USP49: variants seen among roughly 807,000 people sequenced by gnomAD.
USP49 encodes the protein ubiquitin specific peptidase 49, also known as ubiquitin carboxyl-terminal hydrolase 49.
In USP49, 24 loss-of-function variants were observed where a neutral mutation model predicts 58.6. The ratio of observed to expected loss-of-function variants is 0.41; its 90% confidence interval spans 0.30 to 0.58. USP49 has a LOEUF of 0.58. Among genes scored for constraint, USP49 ranks in the 20% least tolerant of loss-of-function variants. The pLI is 0.30. For missense variants in USP49, 703 were observed against 866.1 expected (o/e 0.81, Z 2.36); for synonymous variants, 408 against 365.1 (o/e 1.12, Z -1.34).
chr6:41,872,574 C>CATAT (rs1361120178), intron 2 of USP49, among the ~76,000 whole-genome samples: 1 of 151,108 alleles, frequency 6.6e-6, no homozygotes, highest in Non-Finnish European at 1.5e-5. Context: ...AATTGGAGTA[C>CATAT]ATATATATAT....
intron 3 of USP49, among the ~76,000 whole-genome samples, chr6:41,821,975 A>C (rs530223855): frequency 7.2e-5 from 11 of 152,366 alleles, no homozygotes; most frequent in African/African-American, 2.6e-4. Flanking sequence ...GATCCAGCAC[A>C]GTATTCACAA....
chr6:41,852,033 A>G (rs1050711006), intron 3 of USP49, among the ~76,000 whole-genome samples: 5 of 149,400 alleles, frequency 3.3e-5, no homozygotes, highest in African/African-American at 1.2e-4. Context: ...TATATAGAAA[A>G]TCCTGGGCCG....
chr6:41,797,823 T>C, intron 7 of USP49: 1 of 985,194 alleles, frequency 1.0e-6, no homozygotes, highest in Non-Finnish European at 1.2e-6. Context: ...TACTACAATA[T>C]CCTCTAACAC....
At chr6:41,807,762 ATTTTTTG>A (rs1353631996) in intron 3 of USP49, among the ~76,000 whole-genome samples, 1 of 149,266 alleles carries the variant, frequency 6.7e-6, no homozygotes, top group Admixed American at 6.7e-5. Flanking sequence ...TTTTTAATTT[ATTTTTTG>A]TTTTTTATGT....
chr6:41,884,681 A>G (rs561705017), intron 2 of USP49, among the ~76,000 whole-genome samples: 23 of 152,316 alleles, frequency 1.5e-4, no homozygotes, highest in African/African-American at 4.8e-4. Context: ...GCATACATTA[A>G]TTTATTCCAT....
rs2127364588 is a variant in USP49, at chr6:41,884,439, G to A, written c.-103+7355C>T. ...AAATTCTACAACAGTGTGGTATAAT[G>A]AGCAATTTTTTAATTAAAAATACAT... On this transcript the variant is annotated intron_variant, in intron 2 of 7. Coordinates refer to ENST00000682992, the MANE Select transcript of USP49 (RefSeq NM_001286554.2). Among the ~76,000 whole-genome samples, 3 of 152,292 alleles carry A rather than the reference G, an allele frequency of 2.0e-5. No homozygotes were observed. In the Middle Eastern group the frequency reaches 0.01, roughly 518 times the overall value.
At chr6:41,812,228 C>T (rs529975847) in intron 3 of USP49, among the ~76,000 whole-genome samples, 13 of 151,858 alleles carry the variant, frequency 8.6e-5, no homozygotes, top group African/African-American at 2.4e-4. Flanking sequence ...TATAGGCATG[C>T]GCCACCACGC....
Position 41,803,359 on chromosome 6 carries a change from A to C in USP49, c.1561+447T>G, listed in dbSNP as rs1773053213. ...TGCTCTGTTGCCCAGGCTGGAGTGC[A>C]ATGGCGCAATCTTGGCTCACTGCAC... On this transcript the variant is annotated intron_variant, in intron 5 of 7. Coordinates refer to ENST00000682992, the MANE Select transcript of USP49 (RefSeq NM_001286554.2). The surrounding 1 kb of genome is among the most constrained non-coding windows in gnomAD (Gnocchi z 4.1). Among the ~76,000 whole-genome samples, 1 of 152,210 alleles carries C rather than the reference A, an allele frequency of 6.6e-6. No homozygotes were observed. Among genetic ancestry groups the C allele is most frequent in the Non-Finnish European group, 1.5e-5 (1 of 68,040 alleles).
intron 3 of USP49, among the ~76,000 whole-genome samples, chr6:41,844,124 A>T (rs146127078): frequency 1.4e-3 from 219 of 151,634 alleles, no homozygotes; most frequent in African/African-American, 5.2e-3. Context: ...AGGAGACTGA[A>T]GCACAAGAAC....
intron 3 of USP49, among the ~76,000 whole-genome samples, chr6:41,837,153 G>A (rs146955178): frequency 5.9e-5 from 9 of 152,062 alleles, no homozygotes; most frequent in East Asian, 1.9e-4. Flanking sequence ...AATAGCCAAC[G>A]CAATCATAAG....
chr6:41,844,032 G>A (rs541780384), intron 3 of USP49, among the ~76,000 whole-genome samples: 13 of 151,060 alleles, frequency 8.6e-5, no homozygotes, highest in South Asian at 8.4e-4. Context: ...CAACAAGAGC[G>A]AAAATCCATC....
At chr6:41,841,685 T>C (rs1350919103) in intron 3 of USP49, among the ~76,000 whole-genome samples, 3 of 152,198 alleles carry the variant, frequency 2.0e-5, no homozygotes, top group African/African-American at 7.2e-5. Context: ...CCCATCCTAT[T>C]TTTATTTGCA....
Position 41,791,887 on chromosome 6 carries a change from G to C in USP49, c.*4646C>G, listed in dbSNP as rs1772803982. ...TGACTTAAAAAGTCTGAACCACCAG[G>C]AAGATGCGTACTTAACTGGTTAAAA... is the stretch of plus-strand genomic sequence containing the variant. On this transcript the variant is annotated 3_prime_UTR_variant, in exon 8 of 8. Coordinates refer to ENST00000682992, the MANE Select transcript of USP49 (RefSeq NM_001286554.2). 1 of 152,188 alleles carries C rather than the reference G, an allele frequency of 6.6e-6. No individual in the cohort carries two copies. 9.4% of individuals were successfully genotyped at this position (152,188 alleles called of 1,614,324 possible).
At chr6:41,830,188 T>A (rs1019510739) in intron 3 of USP49, among the ~76,000 whole-genome samples, 3 of 152,220 alleles carry the variant, frequency 2.0e-5, no homozygotes, top group African/African-American at 7.2e-5. Flanking sequence ...CCTCAAAACC[T>A]GAGATAGCAG....
At chr6:41,871,193 A>T (rs1774407125) in intron 3 of USP49, among the ~76,000 whole-genome samples, 1 of 152,150 alleles carries the variant, frequency 6.6e-6, no homozygotes, top group African/African-American at 2.4e-5. Context: ...TGGGACAAAC[A>T]TCATAGCAAC....
At chr6:41,826,827 G>A (rs1773546818) in intron 3 of USP49, among the ~76,000 whole-genome samples, 1 of 152,172 alleles carries the variant, frequency 6.6e-6, no homozygotes, top group South Asian at 2.1e-4. Flanking sequence ...GGACTGTGGA[G>A]GACTGCCTGA....
intron 3 of USP49, among the ~76,000 whole-genome samples, chr6:41,834,018 T>G (rs564708343): frequency 1.6e-4 from 24 of 152,338 alleles, no homozygotes; most frequent in Non-Finnish European, 7.4e-5. Context: ...AGCTTTCACC[T>G]GTACACATAT....
intron 2 of USP49, chr6:41,872,950 A>G (rs1774440015): frequency 6.6e-6 from 1 of 151,894 alleles, no homozygotes; most frequent in East Asian, 1.9e-4. Flanking sequence ...ATGGGCTCCC[A>G]TCACTCATGT....
chr6:41,883,899 G>A (rs2127364335), intron 2 of USP49, among the ~76,000 whole-genome samples: 1 of 152,264 alleles, frequency 6.6e-6, no homozygotes, highest in Admixed American at 6.5e-5. Context: ...ACATGTGCAA[G>A]ACTGTTACTG....
Sources: allele counts gnomAD v4.1 joint callset (sites outside exome capture counted in the v4.1 genomes callset), GRCh38; gene constraint gnomAD v4.1.1; non-coding constraint Gnocchi (gnomAD v3.1); transcripts MANE v1.5; gene names NCBI Gene and HGNC (gene_info 2026-07-23, HGNC 2026-07-21).